The following SCHIP1 variants were observed in gnomAD, a reference collection of about 807,000 sequenced individuals.
SCHIP1 encodes the protein schwannomin interacting protein 1.
SCHIP1 carries 8 observed loss-of-function variants against 29.7 expected under a neutral mutation model. The ratio of observed to expected loss-of-function variants is 0.27; its 90% confidence interval spans 0.16 to 0.49. SCHIP1 has a LOEUF of 0.49. Ranked by LOEUF, SCHIP1 falls within the 20% of genes least tolerant of loss-of-function variation. The pLI is 0.99. For synonymous variants in SCHIP1, 76 were observed against 94.9 expected, an observed-to-expected ratio of 0.80 and a Z score of 1.16; for missense variants, 193 against 294.6, an observed-to-expected ratio of 0.66 and a Z score of 2.52.
the SCHIP1 span, among the ~76,000 whole-genome samples, chr3:159,744,720 A>G: frequency 0.72 from 109,981 of 152,120 alleles, 40,244 homozygotes; most frequent in Middle Eastern, 0.9. Flanking sequence ...GCTCACGCCT[A>G]TAATCCCAGC....
At chr3:159,843,728 C>T (rs1197482171) in intron 1 of SCHIP1, among the ~76,000 whole-genome samples, 1 of 145,972 alleles carries the variant, frequency 6.9e-6, no homozygotes, top group South Asian at 2.1e-4. Flanking sequence ...GAGGCTGATG[C>T]AGGAGAATGG....
the SCHIP1 span, among the ~76,000 whole-genome samples, chr3:159,329,400 G>A: frequency 6.6e-6 from 1 of 152,296 alleles, no homozygotes; most frequent in East Asian, 1.9e-4. Flanking sequence ...TTGCCACAGG[G>A]CAGGAAAGAA....
chr3:159,713,292 AAAAG>A, the SCHIP1 span, among the ~76,000 whole-genome samples: 5 of 149,434 alleles, frequency 3.3e-5, no homozygotes, highest in East Asian at 2.0e-4. Flanking sequence ...AAGAAAAAAG[AAAAG>A]AAAGAAAGAA....
chr3:159,438,358 A>G, the SCHIP1 span, among the ~76,000 whole-genome samples: 1 of 151,992 alleles, frequency 6.6e-6, no homozygotes, highest in Non-Finnish European at 1.5e-5. Flanking sequence ...AGATCACCTG[A>G]TCCTCAATCC....
chr3:159,324,373 G>A, the SCHIP1 span, among the ~76,000 whole-genome samples: 2 of 151,842 alleles, frequency 1.3e-5, no homozygotes, highest in Admixed American at 1.3e-4. Context: ...ACTCTTCTGG[G>A]GATATAACAG....
At chr3:159,771,971 T>C in the SCHIP1 span, among the ~76,000 whole-genome samples, 3 of 152,160 alleles carry the variant, frequency 2.0e-5, no homozygotes, top group African/African-American at 7.2e-5. Context: ...CTCATCACAC[T>C]TGAAGAGCTT....
At chr3:159,828,828 G>C in the SCHIP1 span, among the ~76,000 whole-genome samples, 42 of 152,198 alleles carry the variant, frequency 2.8e-4, no homozygotes, top group East Asian at 7.3e-3. Context: ...GAATGATAAA[G>C]GGGAAGCATG....
chr3:159,346,555 A>G, the SCHIP1 span, among the ~76,000 whole-genome samples: 1 of 152,316 alleles, frequency 6.6e-6, no homozygotes, highest in Admixed American at 6.5e-5. Context: ...AGTTTTAAGA[A>G]GAGAAGCTTT....
chr3:159,817,384 T>G, the SCHIP1 span, among the ~76,000 whole-genome samples: 1 of 152,114 alleles, frequency 6.6e-6, no homozygotes, highest in Non-Finnish European at 1.5e-5. Context: ...TCTAATGACT[T>G]CACTGTGGTA....
At chr3:159,767,505 G>A in the SCHIP1 span, among the ~76,000 whole-genome samples, 3 of 152,328 alleles carry the variant, frequency 2.0e-5, no homozygotes, top group Non-Finnish European at 4.4e-5. Context: ...GGCCTGCCTT[G>A]AAGGAACTGT....
the SCHIP1 span, among the ~76,000 whole-genome samples, chr3:159,721,138 T>C: frequency 1.3e-5 from 2 of 152,168 alleles, no homozygotes; most frequent in Admixed American, 6.5e-5. Flanking sequence ...ATTTCAAATA[T>C]GTGAAAGTAG....
At chr3:159,839,990 C>G (rs992002374) in exon 1 of SCHIP1, 1 of 1,434,094 alleles carries the variant, frequency 7.0e-7, no homozygotes, top group African/African-American at 1.4e-5. Flanking sequence ...CAGCTCAGCT[C>G]GCTAGCTGCG....
chr3:159,589,303 A>G, the SCHIP1 span, among the ~76,000 whole-genome samples: 2 of 152,174 alleles, frequency 1.3e-5, no homozygotes, highest in South Asian at 4.1e-4. Flanking sequence ...ATTTTTGCAC[A>G]TTGATTTTGT....
the SCHIP1 span, chr3:159,273,775 A>G: frequency 2.5e-6 from 4 of 1,608,018 alleles, no homozygotes; most frequent in Non-Finnish European, 3.4e-6. Flanking sequence ...CAATTTGAAT[A>G]AACAACTCTT....
chr3:159,738,267 A>C, the SCHIP1 span, among the ~76,000 whole-genome samples: 3 of 152,152 alleles, frequency 2.0e-5, no homozygotes, highest in Non-Finnish European at 4.4e-5. Flanking sequence ...AAAAAAAATA[A>C]AGAAATGCAA....
chr3:159,613,150 A>C, the SCHIP1 span, among the ~76,000 whole-genome samples: 1 of 152,226 alleles, frequency 6.6e-6, no homozygotes, highest in Admixed American at 6.5e-5. Context: ...TAACAAAAAA[A>C]TTGATTTACT....
chr3:159,839,295 A>AG (rs1743980267), upstream of SCHIP1, among the ~76,000 whole-genome samples: 3 of 148,016 alleles, frequency 2.0e-5, no homozygotes, highest in South Asian at 6.3e-4. Context: ...ACATTAAAAA[A>AG]AAAAAAACCT....
chr3:159,840,222 T>G (rs1321710490), intron 1 of SCHIP1: 2 of 1,533,538 alleles, frequency 1.3e-6, no homozygotes, highest in Non-Finnish European at 1.7e-6. Context: ...CAGGTAAAAT[T>G]TAAAGCCTGA....
chr3:159,704,908 ATTTC>A, the SCHIP1 span, among the ~76,000 whole-genome samples: 2,914 of 42,606 alleles, frequency 0.068, 49 homozygotes, highest in Middle Eastern at 0.083. Flanking sequence ...TTCTTTCTTT[ATTTC>A]TTTCTTTCTT....
Sources: allele counts gnomAD v4.1 joint callset (sites outside exome capture counted in the v4.1 genomes callset), GRCh38; gene constraint gnomAD v4.1.1; transcripts MANE v1.5; gene names NCBI Gene and HGNC (gene_info 2026-07-23, HGNC 2026-07-21).